Variants in RNLS observed in about 807,000 individuals in gnomAD.
RNLS encodes the protein renalase.
RNLS carries 39 observed loss-of-function variants against 39.8 expected under a neutral mutation model. That is an observed-to-expected ratio of 0.98 (90% confidence interval 0.76 to 1.28). RNLS has a LOEUF of 1.28. RNLS is among the 50% of genes most tolerant of loss of function. The pLI is 0.00. For synonymous variants in RNLS, 147 were observed against 150.7 expected (o/e 0.98, Z 0.18); for missense variants, 410 against 413.3 (o/e 0.99, Z 0.07).
intron 4 of RNLS, among the ~76,000 whole-genome samples, chr10:88,377,891 T>TAAC (rs903504691): frequency 3.3e-5 from 5 of 152,214 alleles, no homozygotes; most frequent in Non-Finnish European, 7.4e-5. Flanking sequence ...TCTTTTGTAA[T>TAAC]AACACTTAGC....
At chr10:88,330,070 G>GATATATATATATATATATATAT (rs59527333) in intron 5 of RNLS, among the ~76,000 whole-genome samples, 31 of 140,500 alleles carry the variant, frequency 2.2e-4, no homozygotes, top group South Asian at 1.1e-3. Context: ...TCTGTTTTGA[G>GATATATATATATATATATATAT]ATATATATAT....
At chr10:88,359,929 T>G (rs1849510152) in intron 5 of RNLS, among the ~76,000 whole-genome samples, 1 of 152,236 alleles carries the variant, frequency 6.6e-6, no homozygotes, top group East Asian at 1.9e-4. Flanking sequence ...CACTGGGTCC[T>G]ATAAATCCAA....
At chr10:88,403,285 CTT>C (rs1361713099) in intron 4 of RNLS, among the ~76,000 whole-genome samples, 6 of 152,010 alleles carry the variant, frequency 3.9e-5, no homozygotes, top group Non-Finnish European at 7.4e-5. Context: ...AACATACAAA[CTT>C]ATATATACAT....
the RNLS span, among the ~76,000 whole-genome samples, chr10:88,216,914 G>A: frequency 6.6e-6 from 1 of 152,220 alleles, no homozygotes; most frequent in African/African-American, 2.4e-5. Context: ...GAAAGGTGTG[G>A]TGTGTGGGCT....
chr10:88,517,297 A>G (rs964626251), intron 4 of RNLS, among the ~76,000 whole-genome samples: 2 of 151,910 alleles, frequency 1.3e-5, no homozygotes, highest in South Asian at 2.1e-4. Context: ...TCAACTTTTC[A>G]TTTTTTACCA....
At chr10:88,494,617 A>G (rs1845068257) in intron 4 of RNLS, among the ~76,000 whole-genome samples, 1 of 152,100 alleles carries the variant, frequency 6.6e-6, no homozygotes. Flanking sequence ...ATATTCAAAA[A>G]CCAGCCTGGT....
intron 5 of RNLS, among the ~76,000 whole-genome samples, chr10:88,326,038 C>A (rs1331974084): frequency 6.6e-6 from 1 of 152,312 alleles, no homozygotes; most frequent in East Asian, 1.9e-4. Flanking sequence ...GCCTCCCCAG[C>A]CATGCAAAAC....
At chr10:88,473,241 C>T (rs1435166071) in intron 4 of RNLS, among the ~76,000 whole-genome samples, 1 of 152,074 alleles carries the variant, frequency 6.6e-6, no homozygotes, top group Non-Finnish European at 1.5e-5. Context: ...GACTGAAACA[C>T]CATTATGTGG....
At chr10:88,554,867 TAC>T (rs1848777776) in intron 4 of RNLS, among the ~76,000 whole-genome samples, 1 of 152,184 alleles carries the variant, frequency 6.6e-6, no homozygotes, top group East Asian at 1.9e-4. Context: ...ATCTTAAAAA[TAC>T]AATACAATAC....
At chr10:88,238,042 G>A in the RNLS span, among the ~76,000 whole-genome samples, 1,028 of 152,202 alleles carry the variant, frequency 6.8e-3, 60 homozygotes, top group East Asian at 0.13. Flanking sequence ...GGCAAACTAG[G>A]GAAAAATGTC....
At chr10:88,428,013 T>G (rs1463092588) in intron 4 of RNLS, among the ~76,000 whole-genome samples, 1 of 151,868 alleles carries the variant, frequency 6.6e-6, no homozygotes, top group African/African-American at 2.4e-5. Context: ...AGAATTGTTA[T>G]GAAGACTGGA....
rs143016294 is a variant in RNLS at position 88,570,948 on chromosome 10, A to G, written c.526+1955T>C. Among the ~76,000 whole-genome samples the G allele has an allele frequency of 4.1e-3, 618 of 150,594 alleles. 2 individuals carry two copies. The highest frequency in any genetic ancestry group is 7.4e-3 in the Non-Finnish European group (500 of 67,822). On this transcript the variant is annotated intron_variant, in intron 4 of 6. Coordinates refer to ENST00000331772, the MANE Select transcript of RNLS (RefSeq NM_001031709.3). ...AAAAAATTGTTAAAATAGTACATCTAATATGTTGTATATTCTTTTTTTTTT... is the reference window on the plus strand; with the variant it reads ...AAAAAATTGTTAAAATAGTACATCTGATATGTTGTATATTCTTTTTTTTTT...
intron 4 of RNLS, among the ~76,000 whole-genome samples, chr10:88,413,916 T>C (rs1853854934): frequency 6.6e-6 from 1 of 152,168 alleles, no homozygotes; most frequent in South Asian, 2.1e-4. Context: ...ATTTTGTTCC[T>C]CTAATTTTAT....
At chr10:88,277,394 G>C (rs1312134568) in intron 6 of RNLS, among the ~76,000 whole-genome samples, 1 of 152,082 alleles carries the variant, frequency 6.6e-6, no homozygotes, top group African/African-American at 2.4e-5. Context: ...GAGTTGATGG[G>C]TGCAGCAAAC....
chr10:88,189,846 G>A, the RNLS span, among the ~76,000 whole-genome samples: 2 of 152,208 alleles, frequency 1.3e-5, no homozygotes, highest in African/African-American at 4.8e-5. Flanking sequence ...TTGTTTTAAA[G>A]GAGTAAAAAT....
intron 6 of RNLS, among the ~76,000 whole-genome samples, chr10:88,296,041 C>T (rs536678634): frequency 1.2e-4 from 18 of 152,270 alleles, no homozygotes; most frequent in South Asian, 6.2e-4. Flanking sequence ...TTCTGCCCTT[C>T]AGCAAGTTGT....
chr10:88,196,476 C>T, the RNLS span, among the ~76,000 whole-genome samples: 1 of 152,190 alleles, frequency 6.6e-6, no homozygotes, highest in Non-Finnish European at 1.5e-5. Context: ...TGTGATATTG[C>T]AGTCCCTCCC....
At chr10:88,409,004 T>C (rs776863508) in intron 4 of RNLS, among the ~76,000 whole-genome samples, 25 of 152,158 alleles carry the variant, frequency 1.6e-4, no homozygotes, top group Non-Finnish European at 3.1e-4. Context: ...ACTAGCAAAG[T>C]ATGATTCACT....
chr10:88,484,153 G>A (rs558986057), intron 4 of RNLS, among the ~76,000 whole-genome samples: 2 of 152,068 alleles, frequency 1.3e-5, no homozygotes, highest in East Asian at 3.9e-4. Context: ...TAAGGATGAA[G>A]GATGCATAAC....
Sources: gnomAD v4.1 joint callset for allele counts (sites outside exome capture counted in the v4.1 genomes callset) on GRCh38, gnomAD v4.1.1 for gene constraint, MANE v1.5 for transcripts, NCBI Gene and HGNC (gene_info 2026-07-23, HGNC 2026-07-21) for gene names.